The following CRISPLD2 variants were observed in gnomAD, a reference collection of about 807,000 sequenced individuals.
CRISPLD2 encodes cysteine-rich secretory protein LCCL domain-containing 2.
Under a neutral mutation model 71.1 loss-of-function variants are expected in CRISPLD2, and 47 were observed. That is an observed-to-expected ratio of 0.66 (90% confidence interval 0.52 to 0.84). The LOEUF (loss-of-function observed/expected upper bound fraction) is 0.84, where lower values mean the gene tolerates loss of function less well. CRISPLD2 is among the 40% of genes least tolerant of loss of function. The probability of loss-of-function intolerance (pLI) is 0.00; values close to 1 mark genes in which losing one functional copy is unlikely to be tolerated. For synonymous variants in CRISPLD2, 317 were observed against 250.1 expected (o/e 1.27, Z -2.52); for missense variants, 830 against 651.1 (o/e 1.27, Z -2.99).
At chr16:84,893,100 A>G (rs2071676978) in intron 14 of CRISPLD2, among the ~76,000 whole-genome samples, 1 of 151,644 alleles carries the variant, frequency 6.6e-6, no homozygotes, top group South Asian at 2.1e-4. Context: ...TGAGCACTGG[A>G]GCCCCCAACA....
At chr16:84,828,832 T>G (rs189052661) in intron 1 of CRISPLD2, among the ~76,000 whole-genome samples, 1 of 152,206 alleles carries the variant, frequency 6.6e-6, no homozygotes, top group African/African-American at 2.4e-5. Context: ...TAGCATAGTA[T>G]GTAAACAATG....
chr16:84,821,191 G>T (rs1224590184), intron 1 of CRISPLD2, among the ~76,000 whole-genome samples: 3 of 152,160 alleles, frequency 2.0e-5, no homozygotes, highest in Admixed American at 6.5e-5. Flanking sequence ...CCCATCCAGG[G>T]TCTGATGTCT....
At chr16:84,821,278 C>T (rs1383607877) in intron 1 of CRISPLD2, among the ~76,000 whole-genome samples, 1 of 152,168 alleles carries the variant, frequency 6.6e-6, no homozygotes, top group Non-Finnish European at 1.5e-5. Context: ...TTGTGACTGT[C>T]GGCTGTCCCA....
chr16:84,838,613 C>T lies in CRISPLD2; in HGVS notation c.118C>T (p.His40Tyr). 1 of 1,614,254 alleles carries T rather than the reference C, an allele frequency of 6.2e-7. No individual in the cohort carries two copies. The highest frequency in any genetic ancestry group is 8.5e-7 in the Non-Finnish European group (1 of 1,180,042). ...AGAGGAGCTGCTCAGCAAATACCAG[C>T]ACAACGAGTCTCACTCCCGGGTCCG... Reference protein sequence around the residue: ...LLEELLSKYQHNESHSRVRRA... With the variant: ...LLEELLSKYQYNESHSRVRRA... The change falls in exon 2 of 15, where the codon CAC becomes TAC. Residue 40 changes from histidine (H) to tyrosine (Y), a missense_variant. Physicochemically the swap from His to Tyr is moderately conservative, Grantham distance 83. Coordinates refer to ENST00000262424, the MANE Select transcript of CRISPLD2 (RefSeq NM_031476.4).
At chr16:84,878,683 G>C (rs180806630) in intron 12 of CRISPLD2, among the ~76,000 whole-genome samples, 1 of 152,174 alleles carries the variant, frequency 6.6e-6, no homozygotes, top group Non-Finnish European at 1.5e-5. Flanking sequence ...TGAAGTTCCT[G>C]GTAGATCCTC....
chr16:84,894,170 A>G (rs1013094747), intron 14 of CRISPLD2, among the ~76,000 whole-genome samples: 7 of 152,310 alleles, frequency 4.6e-5, no homozygotes, highest in African/African-American at 1.7e-4. Context: ...ATAAGAGACT[A>G]GCACCTGCTC....
In CRISPLD2 at chr16:84,849,369, G is replaced by T; in HGVS notation, c.360-16G>T. On this transcript the variant is annotated splice_polypyrimidine_tract_variant and intron_variant, in intron 3 of 14. Transcript: ENST00000262424. Reference sequence around the variant, plus strand: ...GGGGAGGGGCTGGGACTGAGTGAGCGGTTTCTGCCCTGCAGGTATCGCTCT... The same window carrying T: ...GGGGAGGGGCTGGGACTGAGTGAGCTGTTTCTGCCCTGCAGGTATCGCTCT... 1 of 1,608,328 alleles carries T rather than the reference G, an allele frequency of 6.2e-7. No individual in the cohort carries two copies. Among genetic ancestry groups the T allele is most frequent in the Middle Eastern group, 1.7e-4 (1 of 5,892 alleles).
intron 8 of CRISPLD2, among the ~76,000 whole-genome samples, chr16:84,869,711 G>A (rs773061720): frequency 5.9e-5 from 9 of 152,260 alleles, no homozygotes; most frequent in Admixed American, 6.5e-5. Context: ...TGTGCTGGGC[G>A]AATTGGGAAA....
chr16:84,879,239 G>T lies in CRISPLD2; in HGVS notation c.1230-1270G>T, dbSNP rs375516471. Among the ~76,000 whole-genome samples the T allele has an allele frequency of 5.2e-4, 79 of 152,288 alleles. No individual in the cohort carries two copies. The East Asian group carries it at 0.014, about 28-fold the overall frequency. On this transcript the variant is annotated intron_variant, in intron 12 of 14. Transcript: ENST00000262424. ...AATATTAGAGAGAAGCAGAAGGAAA[G>T]AATTTCAGAAAATACAAACAGAAAA...
At chr16:84,887,544 A>C (rs2071623843) in intron 13 of CRISPLD2, among the ~76,000 whole-genome samples, 1 of 152,172 alleles carries the variant, frequency 6.6e-6, no homozygotes, top group South Asian at 2.1e-4. Context: ...TTGTCCAGAC[A>C]CTTATGGTGT....
At chr16:84,880,615 C>T (rs758975856) in intron 13 of CRISPLD2, 31 bp downstream of exon 13, 11 of 1,588,894 alleles carry the variant, frequency 6.9e-6, no homozygotes, top group Middle Eastern at 1.7e-4. Flanking sequence ...ACAACTATCT[C>T]GCAAAGCCTG....
intron 8 of CRISPLD2, among the ~76,000 whole-genome samples, chr16:84,869,725 C>T (rs1298256279): frequency 6.6e-6 from 1 of 152,256 alleles, no homozygotes; most frequent in Admixed American, 6.5e-5. Flanking sequence ...TGGGAAAAAG[C>T]AGGCAGCGCC....
chr16:84,859,393 C>G (rs2646102), intron 6 of CRISPLD2, among the ~76,000 whole-genome samples: 15,156 of 152,178 alleles, frequency 0.1, 875 homozygotes, highest in Admixed American at 0.17. Context: ...CCAGTAGTCC[C>G]CAAAATGTCT....
intron 1 of CRISPLD2, among the ~76,000 whole-genome samples, chr16:84,825,688 A>C (rs971290847): frequency 4.6e-5 from 7 of 152,044 alleles, no homozygotes; most frequent in African/African-American, 1.4e-4. Context: ...CCTGGGAGGC[A>C]GAGGCTGCAG....
intron 8 of CRISPLD2, among the ~76,000 whole-genome samples, chr16:84,870,389 G>A (rs7193373): frequency 0.38 from 57,531 of 151,062 alleles, 11,516 homozygotes; most frequent in East Asian, 0.64. Context: ...GCATGATCTC[G>A]GCTCACTGCC....
intron 14 of CRISPLD2, among the ~76,000 whole-genome samples, chr16:84,901,043 ACG>A (rs760669201): frequency 2.2e-5 from 3 of 134,364 alleles, no homozygotes; most frequent in African/African-American, 8.4e-5. Flanking sequence ...ACACACACAC[ACG>A]CAAAAAAAAA....
chr16:84,862,261 G>A lies in CRISPLD2; in HGVS notation c.710-4636G>A, dbSNP rs532025827. On this transcript the variant is annotated intron_variant, in intron 6 of 14. Coordinates refer to ENST00000262424, the MANE Select transcript of CRISPLD2 (RefSeq NM_031476.4). ...TTTGTTGCCCAGGCTGGAGTGCAGT[G>A]GCGTAATCTTGGCTCACTGCAGCCT... Among the ~76,000 whole-genome samples the A allele has an allele frequency of 3.3e-5, 5 of 152,074 alleles. No homozygotes were observed. The South Asian group carries it at 6.2e-4, about 19-fold the overall frequency.
intron 14 of CRISPLD2, among the ~76,000 whole-genome samples, chr16:84,904,386 G>C (rs1387807954): frequency 2.0e-5 from 3 of 151,968 alleles, no homozygotes; most frequent in Non-Finnish European, 4.4e-5. Context: ...GAGTTCCAGA[G>C]CAGCCTGGCC....
rs542162550 is a variant in CRISPLD2 at position 84,874,429 on chromosome 16, A to G, written c.1156+466A>G. ...GGCACTTACTTGCCATCTCTGGCCC[A>G]GCTTTTTACATTGCTTAGTGTATGT... On this transcript the variant is annotated intron_variant, in intron 11 of 14. Transcript: ENST00000262424. Among the ~76,000 whole-genome samples, 22 of 152,350 alleles carry G rather than the reference A, an allele frequency of 1.4e-4. 1 individual carries two copies. Among genetic ancestry groups the G allele is most frequent in the African/African-American group, 3.8e-4 (16 of 41,584 alleles).
Sources: allele counts gnomAD v4.1 joint callset (sites outside exome capture counted in the v4.1 genomes callset), GRCh38; gene constraint gnomAD v4.1.1; transcripts MANE v1.5; gene names NCBI Gene and HGNC (gene_info 2026-07-23, HGNC 2026-07-21).